Variants in DENND2B observed in about 807,000 individuals in gnomAD.
The protein encoded by DENND2B is DENN domain-containing protein 2B.
A neutral mutation model predicts 116.0 loss-of-function variants in DENND2B; 32 were observed. The observed-to-expected ratio is 0.28, with a 90% CI of 0.21 to 0.37. DENND2B has a LOEUF of 0.37. Ranked by LOEUF, DENND2B falls within the 10% of genes least tolerant of loss-of-function variation. DENND2B has a pLI of 1.00. For missense variants in DENND2B, 1,276 were observed against 1,477.7 expected, an observed-to-expected ratio of 0.86 and a Z score of 2.24; for synonymous variants, 588 against 583.9, an observed-to-expected ratio of 1.01 and a Z score of -0.10.
At chr11:8,804,281 A>G (rs1046004276) in intron 1 of DENND2B, among the ~76,000 whole-genome samples, 8 of 152,210 alleles carry the variant, frequency 5.3e-5, no homozygotes, top group African/African-American at 1.7e-4. Context: ...GTGACTTTCC[A>G]AAGCAATTGT....
At chr11:8,815,377 A>C (rs1457457149), upstream of DENND2B, among the ~76,000 whole-genome samples, 1 of 152,170 alleles carries the variant, frequency 6.6e-6, no homozygotes, top group African/African-American at 2.4e-5. Flanking sequence ...GTGTGACTAC[A>C]TCCAACGTTC....
chr11:8,850,875 TACA>T (rs1358483396), intron 3 of DENND2B, among the ~76,000 whole-genome samples: 34 of 152,180 alleles, frequency 2.2e-4, no homozygotes, highest in Non-Finnish European at 1.6e-4. Context: ...TGTCACTTCC[TACA>T]ACATGGATGA....
intron 1 of DENND2B, among the ~76,000 whole-genome samples, chr11:8,753,635 G>C (rs1186107117): frequency 6.6e-6 from 1 of 150,378 alleles, no homozygotes; most frequent in Non-Finnish European, 1.5e-5. Flanking sequence ...AAAGTTAGAA[G>C]ACTCTGAGTT....
At chr11:8,836,380 T>C (rs1305750768) in intron 4 of DENND2B, among the ~76,000 whole-genome samples, 1 of 145,264 alleles carries the variant, frequency 6.9e-6, no homozygotes, top group Non-Finnish European at 1.5e-5. Context: ...TCCTCATCAC[T>C]AACCCTGCAA....
intron 2 of DENND2B, among the ~76,000 whole-genome samples, chr11:8,879,941 T>C (rs2063884222): frequency 6.6e-6 from 1 of 152,216 alleles, no homozygotes; most frequent in East Asian, 1.9e-4. Context: ...AATAGTAAGT[T>C]ATGAAAAGGT....
rs2041058790 is a variant in DENND2B, at chr11:8,699,277, G to A, written c.2834C>T (p.Thr945Ile). The A allele has an allele frequency of 6.2e-7, 1 of 1,600,858 alleles. No individual in the cohort carries two copies. Among genetic ancestry groups the A allele is most frequent in the African/African-American group, 1.4e-5 (1 of 73,716 alleles). The change falls in exon 15 of 20, where the codon ACC becomes ATC. Residue 945 changes from threonine to isoleucine, a missense_variant. Physicochemically the swap from Thr to Ile is moderately conservative, Grantham distance 89 (BLOSUM62 -1). Coordinates refer to ENST00000313726, the MANE Select transcript of DENND2B (RefSeq NM_213618.2). ...GGAGAGCAGGCCAACCAGGAAGGGGGTGGGACAGCAGACGATGTCAATCAT... is the reference window on the plus strand; with the variant it reads ...GGAGAGCAGGCCAACCAGGAAGGGGATGGGACAGCAGACGATGTCAATCAT... ...ASMIDIVCCP[T>I]PFLVGLLSSS...
chr11:8,733,295 C>G (rs1206714364), intron 2 of DENND2B, among the ~76,000 whole-genome samples: 2 of 152,180 alleles, frequency 1.3e-5, no homozygotes, highest in Non-Finnish European at 2.9e-5. Flanking sequence ...ACCATAAATA[C>G]AAAAGGTCAT....
rs147168987 is a variant in DENND2B at position 8,759,710 on chromosome 11, C to T, written c.-25-8985G>A. Among the ~76,000 whole-genome samples, 396 of 152,338 alleles carry T rather than the reference C, an allele frequency of 2.6e-3. 2 individuals carry two copies. Among genetic ancestry groups the T allele is most frequent in the African/African-American group, 7.5e-3 (310 of 41,576 alleles). On this transcript the variant is annotated intron_variant, in intron 1 of 19. Coordinates refer to ENST00000313726, the MANE Select transcript of DENND2B (RefSeq NM_213618.2). ...AGTGTGCAGCTGTGGCCTGATTGCC[C>T]TGGGACCAACCTGCCTACTCATCCT...
At chr11:8,776,172 A>ACACACACG in intron 1 of DENND2B, 1 of 448,572 alleles carries the variant, frequency 2.2e-6, no homozygotes, top group South Asian at 1.6e-5. Context: ...ACACACACAC[A>ACACACACG]CACACACACA....
At chr11:8,791,239 C>T (rs974609761) in intron 1 of DENND2B, among the ~76,000 whole-genome samples, 2 of 152,182 alleles carry the variant, frequency 1.3e-5, no homozygotes, top group East Asian at 3.9e-4. Flanking sequence ...GAAGCTTCTA[C>T]GTCACAAGAT....
intron 1 of DENND2B, among the ~76,000 whole-genome samples, chr11:8,769,621 T>A (rs565149622): frequency 9.9e-5 from 15 of 152,280 alleles, no homozygotes; most frequent in African/African-American, 3.1e-4. Context: ...GTCACACACC[T>A]GCTGCTCATG....
At chr11:8,751,407 G>A (rs1565843822) in intron 1 of DENND2B, among the ~76,000 whole-genome samples, 1 of 152,158 alleles carries the variant, frequency 6.6e-6, no homozygotes, top group Non-Finnish European at 1.5e-5. Flanking sequence ...GCCAGCAGTG[G>A]CAACCCACTC....
At chr11:8,898,251 G>A (rs2064126448) in intron 1 of DENND2B, among the ~76,000 whole-genome samples, 3 of 152,086 alleles carry the variant, frequency 2.0e-5, no homozygotes, top group Admixed American at 2.0e-4. Flanking sequence ...ACCAAATTGG[G>A]CACAGCAGCA....
intron 3 of DENND2B, among the ~76,000 whole-genome samples, chr11:8,850,921 A>C (rs1401621125): frequency 1.3e-5 from 2 of 152,238 alleles, no homozygotes; most frequent in African/African-American, 4.8e-5. Flanking sequence ...GAAACAAGCC[A>C]GGCACAGAAA....
chr11:8,754,029 G>GCGCACA (rs146486674), intron 1 of DENND2B, among the ~76,000 whole-genome samples: 1,507 of 138,814 alleles, frequency 0.011, 22 homozygotes, highest in African/African-American at 0.035. Flanking sequence ...CCAAAAGCGC[G>GCGCACA]CACACACACA....
intron 1 of DENND2B, among the ~76,000 whole-genome samples, chr11:8,765,691 A>ATT (rs34422931): frequency 2.6e-4 from 40 of 151,160 alleles, no homozygotes; most frequent in African/African-American, 7.3e-4. Context: ...TTCTTGTATC[A>ATT]TTTTTTTTTC....
At chr11:8,880,602 C>A (rs1361541773) in intron 2 of DENND2B, among the ~76,000 whole-genome samples, 1 of 152,146 alleles carries the variant, frequency 6.6e-6, no homozygotes, top group Admixed American at 6.5e-5. Flanking sequence ...CTAAAATTGA[C>A]AAGCCTTGAA....
intron 3 of DENND2B, among the ~76,000 whole-genome samples, chr11:8,847,497 T>C (rs1176662745): frequency 1.3e-5 from 2 of 151,942 alleles, no homozygotes; most frequent in Admixed American, 6.6e-5. Context: ...TTTGAAACTA[T>C]GAAAGAAAGA....
At chr11:8,909,341 C>T (rs1417018599) in intron 1 of DENND2B, among the ~76,000 whole-genome samples, 1 of 151,786 alleles carries the variant, frequency 6.6e-6, no homozygotes, top group East Asian at 1.9e-4. Flanking sequence ...TTCAGCCTGG[C>T]TGACAGGGTG....
Sources: gnomAD v4.1 joint callset for allele counts (sites outside exome capture counted in the v4.1 genomes callset) on GRCh38, gnomAD v4.1.1 for gene constraint, MANE v1.5 for transcripts, NCBI Gene and HGNC (gene_info 2026-07-23, HGNC 2026-07-21) for gene names.